Variants in NECAP2 observed in about 807,000 individuals in gnomAD.
The protein encoded by NECAP2 is NECAP endocytosis associated 2.
A neutral mutation model predicts 37.8 loss-of-function variants in NECAP2; 38 were observed. The ratio of observed to expected loss-of-function variants is 1.01; its 90% CI spans 0.78 to 1.32. The LOEUF is 1.32. Among genes scored for constraint, NECAP2 ranks in the 40% most tolerant of loss-of-function variants. NECAP2 has a pLI of 0.00. For synonymous variants in NECAP2, 121 were observed against 127.7 expected (o/e 0.95, Z 0.35); for missense variants, 316 against 334.5 (o/e 0.94, Z 0.43).
rs1184420356 is a variant in NECAP2 at position 16,440,868 on chromosome 1, C to T, written c.92+15C>T. 4 of 1,604,356 alleles carry T rather than the reference C, an allele frequency of 2.5e-6. No homozygotes were observed. Among genetic ancestry groups the T allele is most frequent in the Non-Finnish European group, 3.4e-6 (4 of 1,171,042 alleles). ...CGTGGCTACAGGTGACTACCCACCG[C>T]CAGACCAGGCTAGCTCCAATTTAAC... On this transcript the variant is annotated intron_variant, in intron 1 of 7. Transcript: ENST00000337132.
At chr1:16,440,881 G>T in intron 1 of NECAP2, 28 bp downstream of exon 1, 1 of 1,593,680 alleles carries the variant, frequency 6.3e-7, no homozygotes, top group Non-Finnish European at 8.6e-7. Flanking sequence ...GACCAGGCTA[G>T]CTCCAATTTA....
At chr1:16,457,354 G>A (rs2086935956) in intron 7 of NECAP2, among the ~76,000 whole-genome samples, 1 of 152,154 alleles carries the variant, frequency 6.6e-6, no homozygotes, top group African/African-American at 2.4e-5. Context: ...CTACTTGGGA[G>A]GCTGAGGCAC....
intron 6 of NECAP2, chr1:16,455,559 G>C (rs1420760114): frequency 2.1e-6 from 1 of 470,480 alleles, no homozygotes; most frequent in African/African-American, 1.9e-5. Flanking sequence ...CCATCCCGCG[G>C]GCACCCCTCG....
At position 16,447,895 on chromosome 1, in the gene NECAP2, G is replaced by A; in HGVS notation, c.219G>A (p.Val73=). ...TSGELFAQAP[V]DQFPGTAVES... Reference sequence around the variant, plus strand: ...GGGAGCTCTTTGCTCAGGCCCCGGTGGATCAGTTTCCTGGCACAGCTGTGG... The same window carrying A: ...GGGAGCTCTTTGCTCAGGCCCCGGTAGATCAGTTTCCTGGCACAGCTGTGG... The change falls in exon 3 of 8, where the codon GTG becomes GTA. Residue 73 remains valine, a synonymous_variant. Transcript: ENST00000337132. 6.2e-7 allele frequency: 1 copy of A among 1,614,102 alleles called. No homozygotes were observed. The highest frequency in any genetic ancestry group is 8.5e-7 in the Non-Finnish European group (1 of 1,180,008).
chr1:16,449,923 G>A (rs745584958), intron 5 of NECAP2: 57 of 252,708 alleles, frequency 2.3e-4, no homozygotes, highest in Non-Finnish European at 4.2e-4. Flanking sequence ...CTGCAAGGGT[G>A]GAGAGGGGAG....
Position 16,458,965 on chromosome 1 carries a change from C to T in NECAP2, c.*75C>T, listed in dbSNP as rs758046845. The T allele has an allele frequency of 1.2e-6, 2 of 1,612,502 alleles. No homozygotes were observed. Among genetic ancestry groups the T allele is most frequent in the Non-Finnish European group, 1.7e-6 (2 of 1,179,320 alleles). ...CTGGGCCAAAGGAAGGAGGACGAAG[C>T]CCTCCTCAGCTGGCCTGTGTTTGGG... On this transcript the variant is annotated 3_prime_UTR_variant, in exon 8 of 8. Coordinates refer to ENST00000337132, the MANE Select transcript of NECAP2 (RefSeq NM_018090.5).
At chr1:16,444,291 C>T (rs528054628) in intron 2 of NECAP2, among the ~76,000 whole-genome samples, 1 of 152,166 alleles carries the variant, frequency 6.6e-6, no homozygotes, top group African/African-American at 2.4e-5. Context: ...TCTGGGTGAG[C>T]TGTGGAGGGC....
Position 16,455,902 on chromosome 1 carries a change from G to A in NECAP2, c.743+9G>A. Reference sequence around the variant, plus strand: ...TTTACCAAATCTACAGGGTAAGGAGGGCCATGTTCTGCGGAGGGGCTGGGG... The same window carrying A: ...TTTACCAAATCTACAGGGTAAGGAGAGCCATGTTCTGCGGAGGGGCTGGGG... On this transcript the variant is annotated intron_variant, in intron 7 of 7. Coordinates refer to ENST00000337132, the MANE Select transcript of NECAP2 (RefSeq NM_018090.5). 6.2e-7 allele frequency: 1 copy of A among 1,612,404 alleles called. No individual in the cohort carries two copies. The highest frequency in any genetic ancestry group is 8.5e-7 in the Non-Finnish European group (1 of 1,178,474).
chr1:16,449,086 T>A lies in NECAP2; in HGVS notation c.381-7T>A. Reference sequence around the variant, plus strand: ...TCCTCACCTTTTTCCTCATGTTCTCTCCCCAGGTGGGTGAAACAGCAGTGT... The same window carrying A: ...TCCTCACCTTTTTCCTCATGTTCTCACCCCAGGTGGGTGAAACAGCAGTGT... On this transcript the variant is annotated splice_polypyrimidine_tract_variant and splice_region_variant and intron_variant, in intron 4 of 7. Coordinates refer to ENST00000337132, the MANE Select transcript of NECAP2 (RefSeq NM_018090.5). 6.2e-7 allele frequency: 1 copy of A among 1,604,466 alleles called. No homozygotes were observed. Among genetic ancestry groups the A allele is most frequent in the South Asian group, 1.1e-5 (1 of 89,944 alleles).
At chr1:16,441,802 G>T (rs1312242287) in intron 1 of NECAP2, among the ~76,000 whole-genome samples, 1 of 152,044 alleles carries the variant, frequency 6.6e-6, no homozygotes, top group African/African-American at 2.4e-5. Flanking sequence ...TGTTACCGTG[G>T]GCTCATAGCT....
intron 6 of NECAP2, among the ~76,000 whole-genome samples, chr1:16,453,777 G>A (rs1387826870): frequency 6.6e-6 from 1 of 151,790 alleles, no homozygotes; most frequent in East Asian, 2.0e-4. Flanking sequence ...ATGAGCCACC[G>A]TGCCTGGCCT....
At chr1:16,441,946 T>C (rs929530424) in intron 1 of NECAP2, among the ~76,000 whole-genome samples, 4 of 151,876 alleles carry the variant, frequency 2.6e-5, no homozygotes, top group Non-Finnish European at 4.4e-5. Flanking sequence ...CATCAAACCA[T>C]TGATGGTCGT....
chr1:16,455,981 G>A, intron 7 of NECAP2, 88 bp downstream of exon 7: 1 of 908,076 alleles, frequency 1.1e-6, no homozygotes, highest in Non-Finnish European at 1.8e-6. Context: ...GCCTTCTGGT[G>A]TTAGGATTAG....
At chr1:16,450,130 C>T (rs928961192) in intron 5 of NECAP2, 6 of 447,498 alleles carry the variant, frequency 1.3e-5, no homozygotes, top group African/African-American at 1.2e-4. Flanking sequence ...TGAAGTTGGC[C>T]AGCTGGCCCT....
At chr1:16,441,279 C>T (rs2086686701) in intron 1 of NECAP2, 1 of 176,898 alleles carries the variant, frequency 5.7e-6, no homozygotes, top group Non-Finnish European at 1.2e-5. Context: ...CTGAAAGGAC[C>T]GGTCCCGGGG....
intron 7 of NECAP2, among the ~76,000 whole-genome samples, chr1:16,456,096 T>A (rs1304453871): frequency 6.6e-6 from 1 of 151,534 alleles, no homozygotes; most frequent in African/African-American, 2.4e-5. Flanking sequence ...TGATCTTGGC[T>A]CGCTGCAACC....
At position 16,446,697 on chromosome 1, in the gene NECAP2, C is replaced by G. The variant is rs577863338; in HGVS notation, c.194-1173C>G. Among the ~76,000 whole-genome samples, 3 of 152,208 alleles carry G rather than the reference C, an allele frequency of 2.0e-5. No individual in the cohort carries two copies. The South Asian group carries it at 6.2e-4, about 32-fold the overall frequency. On this transcript the variant is annotated intron_variant, in intron 2 of 7. Transcript: ENST00000337132. ...GAGCTGGAACTAAATGTGCATGCCA[C>G]CATGCCTGGCTTATTTTTGGATTTT...
chr1:16,458,894 G>A lies in NECAP2; in HGVS notation c.*4G>A, dbSNP rs763504109. On this transcript the variant is annotated 3_prime_UTR_variant, in exon 8 of 8. Transcript: ENST00000337132. Reference sequence around the variant, plus strand: ...CACAGGCTGGGTCCAGTTCTGACCTGAGCACGGTTTTTCCTCATGTGACTT... The same window carrying A: ...CACAGGCTGGGTCCAGTTCTGACCTAAGCACGGTTTTTCCTCATGTGACTT... The A allele has an allele frequency of 8.1e-6, 13 of 1,613,938 alleles. No homozygotes were observed. Among genetic ancestry groups the A allele is most frequent in the Non-Finnish European group, 1.1e-5 (13 of 1,180,026 alleles).
At chr1:16,443,010 CTGT>C (rs1330504775) in intron 1 of NECAP2, among the ~76,000 whole-genome samples, 6 of 152,210 alleles carry the variant, frequency 3.9e-5, no homozygotes, top group Non-Finnish European at 8.8e-5. Flanking sequence ...CTCACATGTA[CTGT>C]TGTTCTCCTT....
Sources: gnomAD v4.1 joint callset for allele counts (sites outside exome capture counted in the v4.1 genomes callset) on GRCh38, gnomAD v4.1.1 for gene constraint, MANE v1.5 for transcripts, NCBI Gene and HGNC (gene_info 2026-07-23, HGNC 2026-07-21) for gene names.